ZNF680: variants seen among roughly 807,000 people sequenced by gnomAD.
The protein encoded by ZNF680 is zinc finger protein 680, also known as hypothetical protein FLJ90430.
Under a neutral mutation model 12.1 loss-of-function variants are expected in ZNF680, and 6 were observed. The ratio of observed to expected loss-of-function variants is 0.49; its 90% CI spans 0.27 to 0.98. The LOEUF is 0.98. Among genes scored for constraint, ZNF680 ranks in the 50% least tolerant of loss-of-function variants. The probability of loss-of-function intolerance (pLI) is 0.12; values close to 1 mark genes in which losing one functional copy is unlikely to be tolerated. For missense variants in ZNF680, 561 were observed against 616.3 expected (o/e 0.91, Z 0.95); for synonymous variants, 170 against 199.3 (o/e 0.85, Z 1.24).
At chr7:64,558,186 A>G (rs542641419) in intron 1 of ZNF680, among the ~76,000 whole-genome samples, 30 of 152,140 alleles carry the variant, frequency 2.0e-4, no homozygotes, top group African/African-American at 7.2e-4. Context: ...TGGAGGAAAA[A>G]GGTTGCTGCT....
rs545174104 is a variant in ZNF680, at chr7:64,557,985, C to T, written c.30+4940G>A. Among the ~76,000 whole-genome samples, 11 of 152,278 alleles carry T rather than the reference C, an allele frequency of 7.2e-5. No individual in the cohort carries two copies. In the East Asian group the frequency reaches 1.9e-3, roughly 27 times the overall value. ...AATTTTGCTTATATAACAACTCGCA[C>T]GTTTACCCCCAACCCTGAAACAAAA... On this transcript the variant is annotated intron_variant, in intron 1 of 3. Transcript: ENST00000309683.
At chr7:64,523,688 C>A (rs765649108) in intron 3 of ZNF680, among the ~76,000 whole-genome samples, 2 of 151,762 alleles carry the variant, frequency 1.3e-5, no homozygotes, top group African/African-American at 2.4e-5. Context: ...CCGAGGCGGG[C>A]GGATCACGAG....
At chr7:64,526,166 T>C (rs1305409405) in intron 3 of ZNF680, 2 of 915,614 alleles carry the variant, frequency 2.2e-6, no homozygotes, top group East Asian at 1.6e-4. Flanking sequence ...TACATCAATA[T>C]ATTCATTAAA....
At chr7:64,556,929 CAAAATTTGTAAGGAATTTTA>C (rs1787446170) in intron 1 of ZNF680, among the ~76,000 whole-genome samples, 1 of 152,170 alleles carries the variant, frequency 6.6e-6, no homozygotes, top group African/African-American at 2.4e-5. Flanking sequence ...GTCTATTATT[CAAAATTTGTAAGGAATTTTA>C]AAAATTTTAC....
chr7:64,510,834 C>T, the ZNF680 span, among the ~76,000 whole-genome samples: 19 of 128,528 alleles, frequency 1.5e-4, 1 homozygote, highest in South Asian at 2.7e-3. Context: ...GGCGTGAACC[C>T]GGGAGGCGGA....
the ZNF680 span, among the ~76,000 whole-genome samples, chr7:64,514,422 C>T: frequency 6.6e-6 from 1 of 152,280 alleles, no homozygotes; most frequent in Admixed American, 6.5e-5. Flanking sequence ...CCACCCTAAA[C>T]ATTTTGTCAT....
At chr7:64,499,573 T>C in the ZNF680 span, among the ~76,000 whole-genome samples, 1 of 152,106 alleles carries the variant, frequency 6.6e-6, no homozygotes, top group East Asian at 1.9e-4. Context: ...CTGGCCATCA[T>C]AGCGAAACCC....
intron 1 of ZNF680, among the ~76,000 whole-genome samples, chr7:64,547,477 A>G (rs74509825): frequency 0.026 from 3,950 of 152,340 alleles, 105 homozygotes; most frequent in African/African-American, 0.057. Flanking sequence ...TTAAGCAGGT[A>G]CTATGTCCTC....
At chr7:64,545,821 C>T (rs1305809649) in intron 1 of ZNF680, among the ~76,000 whole-genome samples, 1 of 152,140 alleles carries the variant, frequency 6.6e-6, no homozygotes, top group Non-Finnish European at 1.5e-5. Flanking sequence ...TAATAGAGAA[C>T]ACAGATGGAT....
chr7:64,519,231 T>C (rs974164462), downstream of ZNF680, among the ~76,000 whole-genome samples: 2 of 151,954 alleles, frequency 1.3e-5, no homozygotes, highest in African/African-American at 2.4e-5. Flanking sequence ...AAGAAACATA[T>C]GGAAACTTGC....
chr7:64,501,852 T>C, the ZNF680 span: 2 of 540,680 alleles, frequency 3.7e-6, no homozygotes, highest in Admixed American at 5.1e-5. Context: ...GTCCTTGTCT[T>C]TCCCATGTTA....
chr7:64,532,857 G>C (rs1264480883), intron 3 of ZNF680, among the ~76,000 whole-genome samples: 1 of 152,164 alleles, frequency 6.6e-6, no homozygotes, highest in Admixed American at 6.6e-5. Context: ...CAGGGATGCA[G>C]AGATGGTTTA....
At chr7:64,501,818 T>C in the ZNF680 span, 5 of 620,184 alleles carry the variant, frequency 8.1e-6, no homozygotes, top group African/African-American at 1.8e-5. Context: ...TCTTCTTCTC[T>C]AGTATCTTCA....
At position 64,522,065 on chromosome 7, in the gene ZNF680, C is replaced by T. The variant is rs776377162; in HGVS notation, c.689G>A (p.Gly230Glu). Reference protein sequence around the residue: ...NWFSELIKHKGIHMGEKPYKC... With the variant: ...NWFSELIKHKEIHMGEKPYKC... The stretch of plus-strand genomic sequence containing the variant: ...GTAGGGTTTCTCTCCCATATGAATT[C>T]CCTTATGTTTAATAAGCTCTGAGAA... Residue 230 changes from glycine to glutamate, a missense_variant, in exon 4 of 4, where the codon GGA (glycine) becomes GAA (glutamate). Transcript: ENST00000309683. 12 of 1,612,694 alleles carry T rather than the reference C, an allele frequency of 7.4e-6. No individual in the cohort carries two copies. In the South Asian group the frequency reaches 1.2e-4, roughly 16 times the overall value.
At chr7:64,501,287 C>T in the ZNF680 span, 4 of 1,055,442 alleles carry the variant, frequency 3.8e-6, no homozygotes, top group African/African-American at 1.6e-5. Context: ...GTAGTGCCCT[C>T]GAAACGTCAG....
rs771137227 is a variant in ZNF680, at chr7:64,521,516, T to C, written c.1238A>G (p.Lys413Arg). 4 of 1,613,514 alleles carry C rather than the reference T, an allele frequency of 2.5e-6. No individual in the cohort carries two copies. The highest frequency in any genetic ancestry group is 2.5e-6 in the Non-Finnish European group (3 of 1,179,796). The change falls in exon 4 of 4, where the codon AAA becomes AGA. Residue 413 changes from lysine to arginine, a missense_variant. Physicochemically the swap from Lys to Arg is conservative, Grantham distance 26. Coordinates refer to ENST00000309683, the MANE Select transcript of ZNF680 (RefSeq NM_178558.5). ...AAGGCTGGAGCACCCATTAAAAGCT[T>C]TGCCACATTCTTCACATTTGTAGGG... ...EKPYKCEECG[K>R]AFNGCSSLTR... is the part of the protein sequence containing the mutation.
intron 3 of ZNF680, among the ~76,000 whole-genome samples, chr7:64,534,587 A>G (rs1328450932): frequency 6.6e-6 from 1 of 152,218 alleles, no homozygotes; most frequent in East Asian, 1.9e-4. Flanking sequence ...TACAACCACT[A>G]TGGAAAACAG....
At chr7:64,501,652 G>C in the ZNF680 span, 1 of 943,530 alleles carries the variant, frequency 1.1e-6, no homozygotes, top group East Asian at 2.5e-5. Flanking sequence ...TGGCCAGCTG[G>C]AGTTGACCAA....
chr7:64,505,664 T>A, the ZNF680 span, among the ~76,000 whole-genome samples: 1 of 152,184 alleles, frequency 6.6e-6, no homozygotes, highest in Admixed American at 6.5e-5. Flanking sequence ...AGCCCTTTCA[T>A]CCAGGTTGTT....
Sources: allele counts gnomAD v4.1 joint callset (sites outside exome capture counted in the v4.1 genomes callset), GRCh38; gene constraint gnomAD v4.1.1; transcripts MANE v1.5; gene names NCBI Gene and HGNC (gene_info 2026-07-23, HGNC 2026-07-21).